PTPRD: variants seen among roughly 807,000 people sequenced by gnomAD.
The protein encoded by PTPRD is receptor-type tyrosine-protein phosphatase delta.
Under a neutral mutation model 214.5 loss-of-function variants are expected in PTPRD, and 34 were observed. The observed-to-expected ratio is 0.16, with a 90% CI of 0.12 to 0.21. The LOEUF is 0.21. Among genes scored for constraint, PTPRD ranks in the 10% least tolerant of loss-of-function variants. PTPRD has a pLI of 1.00. For synonymous variants in PTPRD, 1,128 were observed against 845.7 expected, an observed-to-expected ratio of 1.33 and a Z score of -5.79; for missense variants, 2,545 against 2,398.7, an observed-to-expected ratio of 1.06 and a Z score of -1.27.
intron 11 of PTPRD, among the ~76,000 whole-genome samples, chr9:8,858,595 C>T (rs1050008522): frequency 4.6e-5 from 7 of 152,148 alleles, no homozygotes; most frequent in Non-Finnish European, 1.5e-5. Context: ...GGGGATCCCA[C>T]GGAATTGCTG....
chr9:9,035,129 T>C (rs1590196656), intron 10 of PTPRD, among the ~76,000 whole-genome samples: 2 of 152,158 alleles, frequency 1.3e-5, no homozygotes, highest in East Asian at 3.9e-4. Flanking sequence ...TAGCATAGAG[T>C]CTGGCACATG....
rs564122178 is a variant in PTPRD, at chr9:10,443,628, G to A, written c.-599-102611C>T. Among the ~76,000 whole-genome samples, 6 of 150,366 alleles carry A rather than the reference G, an allele frequency of 4.0e-5. No homozygotes were observed. In the East Asian group the frequency reaches 5.8e-4, roughly 15 times the overall value. The stretch of plus-strand genomic sequence containing the variant: ...TGCCTCATAGATTTTTTTTCTTTGC[G>A]TGGAATGCAGATAGACATTCTCATA... On this transcript the variant is annotated intron_variant, in intron 2 of 45. Coordinates refer to ENST00000381196, the MANE Select transcript of PTPRD (RefSeq NM_002839.4).
At chr9:8,676,687 C>T (rs1344590591) in intron 12 of PTPRD, among the ~76,000 whole-genome samples, 1 of 152,174 alleles carries the variant, frequency 6.6e-6, no homozygotes, top group Non-Finnish European at 1.5e-5. Flanking sequence ...AATTCTCCTG[C>T]CTCAGCCTCC....
chr9:9,272,422 T>C (rs1393529689), intron 9 of PTPRD, among the ~76,000 whole-genome samples: 1 of 151,240 alleles, frequency 6.6e-6, no homozygotes, highest in Non-Finnish European at 1.5e-5. Context: ...AGCAGTACTG[T>C]TGGGTACTGA....
intron 3 of PTPRD, among the ~76,000 whole-genome samples, chr9:10,122,440 G>C (rs1360807252): frequency 6.6e-6 from 1 of 151,932 alleles, no homozygotes; most frequent in African/African-American, 2.4e-5. Context: ...GGTATCAAAG[G>C]GCTACCGTGG....
intron 35 of PTPRD, among the ~76,000 whole-genome samples, chr9:8,430,093 C>G (rs899913733): frequency 1.3e-5 from 2 of 151,988 alleles, no homozygotes; most frequent in African/African-American, 4.8e-5. Flanking sequence ...TATCTCAACC[C>G]ACACCACAAA....
At position 9,845,151 on chromosome 9, in the gene PTPRD, TCTATATATAGA is replaced by T. The variant is rs2059261629; in HGVS notation, c.-367-78311_-367-78301del. Among the ~76,000 whole-genome samples the T allele has an allele frequency of 5.6e-4, 22 of 39,482 alleles. 2 individuals carry two copies. The highest frequency in any genetic ancestry group is 2.3e-3 in the Admixed American group (7 of 3,056). 25.9% of individuals were successfully genotyped at this position (39,482 alleles called of 152,430 possible). ...ATAGAGCAATATATATATATATTGC[TCTATATATAGA>T]GCAATATATATATATATATTGCTCT... is the stretch of plus-strand genomic sequence containing the variant. On this transcript the variant is annotated intron_variant, in intron 5 of 45. Transcript: ENST00000381196.
intron 7 of PTPRD, among the ~76,000 whole-genome samples, chr9:9,591,505 T>C (rs1458666754): frequency 1.3e-5 from 2 of 152,024 alleles, no homozygotes; most frequent in African/African-American, 4.8e-5. Context: ...GCACTGCATC[T>C]GGAATCCTAA....
At chr9:10,228,750 T>G (rs1198442881) in intron 3 of PTPRD, among the ~76,000 whole-genome samples, 1 of 149,390 alleles carries the variant, frequency 6.7e-6, no homozygotes, top group African/African-American at 2.4e-5. Flanking sequence ...ATATAATATA[T>G]AACATCATTT....
In PTPRD at chr9:8,455,649, A is replaced by C. The variant is rs543133869; in HGVS notation, c.3875+4762T>G. On this transcript the variant is annotated intron_variant, in intron 33 of 45. Coordinates refer to ENST00000381196, the MANE Select transcript of PTPRD (RefSeq NM_002839.4). ...ACATTTAAATGGTACAAACACACAC[A>C]TACAAAGTAAATGATGAAAATGATA... Among the ~76,000 whole-genome samples, 5 of 152,354 alleles carry C rather than the reference A, an allele frequency of 3.3e-5. No individual in the cohort carries two copies. In the East Asian group the frequency reaches 9.6e-4, roughly 29 times the overall value.
chr9:10,245,536 T>C (rs531711329), intron 3 of PTPRD, among the ~76,000 whole-genome samples: 1 of 152,276 alleles, frequency 6.6e-6, no homozygotes, highest in African/African-American at 2.4e-5. Context: ...ACATGATAAA[T>C]ATTGGTGCAC....
chr9:9,091,086 G>C lies in PTPRD; in HGVS notation c.-142-72351C>G, dbSNP rs1224675494. ...AAGCGAGCGTCTTCGATGCCTATGTGCTTCCCAAGCTGTATGTGAAGCTAC... is the reference window on the plus strand; with the variant it reads ...AAGCGAGCGTCTTCGATGCCTATGTCCTTCCCAAGCTGTATGTGAAGCTAC... On this transcript the variant is annotated intron_variant, in intron 10 of 45. Coordinates refer to ENST00000381196, the MANE Select transcript of PTPRD (RefSeq NM_002839.4). 8 of 1,428,222 alleles carry C rather than the reference G, an allele frequency of 5.6e-6. 1 individual carries two copies. In the African/African-American group the frequency reaches 1.1e-4, roughly 20 times the overall value. The allele number at this position is 1,428,222 out of a possible 1,614,324, so 88.5% of individuals were successfully genotyped here. A position where few individuals can be genotyped will look rare whatever the true frequency, so the allele number is the denominator to read the frequency against.
chr9:9,323,999 T>C (rs931584367), intron 9 of PTPRD, among the ~76,000 whole-genome samples: 6 of 152,272 alleles, frequency 3.9e-5, no homozygotes, highest in African/African-American at 1.4e-4. Context: ...TTCATCCATG[T>C]CCCTACAAAG....
At chr9:9,800,604 T>C (rs989704189) in intron 5 of PTPRD, 1 of 152,206 alleles carries the variant, frequency 6.6e-6, no homozygotes, top group Non-Finnish European at 1.5e-5. Flanking sequence ...GAAGGATCAT[T>C]GTCTATAGAC....
chr9:9,611,225 G>A (rs984485944), intron 7 of PTPRD, among the ~76,000 whole-genome samples: 1 of 152,110 alleles, frequency 6.6e-6, no homozygotes, highest in Non-Finnish European at 1.5e-5. Context: ...AAAGCCAGTA[G>A]CATCTGATTA....
chr9:9,085,844 G>T (rs1024225329), intron 10 of PTPRD, among the ~76,000 whole-genome samples: 1 of 152,000 alleles, frequency 6.6e-6, no homozygotes, highest in Non-Finnish European at 1.5e-5. Flanking sequence ...TAAGCCTCTC[G>T]AATCTAGAGA....
At chr9:9,696,108 A>G (rs1363155062) in intron 7 of PTPRD, among the ~76,000 whole-genome samples, 1 of 152,066 alleles carries the variant, frequency 6.6e-6, no homozygotes. Flanking sequence ...TTTCTTCAAG[A>G]TTCATCCTTT....
rs2154134293 is a variant in PTPRD at position 10,033,784 on chromosome 9, G to T, written c.-538C>A. The T allele has an allele frequency of 6.6e-6, 1 of 152,164 alleles. No homozygotes were observed. Among genetic ancestry groups the T allele is most frequent in the African/African-American group, 2.4e-5 (1 of 41,544 alleles). 9.4% of individuals were successfully genotyped at this position (152,164 alleles called of 1,614,324 possible). ...GGATGAAAAGTATCAGACTCCTCAA[G>T]ATTTCCCTGAAAGGAAAAGTGAGAG... On this transcript the variant is annotated 5_prime_UTR_variant, in exon 4 of 46. Coordinates refer to ENST00000381196, the MANE Select transcript of PTPRD (RefSeq NM_002839.4).
chr9:8,815,221 T>C (rs2096896869), intron 11 of PTPRD, among the ~76,000 whole-genome samples: 1 of 152,130 alleles, frequency 6.6e-6, no homozygotes, highest in Non-Finnish European at 1.5e-5. Flanking sequence ...ACATCTGATA[T>C]AAGCTGTTTC....
Sources: allele counts gnomAD v4.1 joint callset (sites outside exome capture counted in the v4.1 genomes callset), GRCh38; gene constraint gnomAD v4.1.1; transcripts MANE v1.5; gene names NCBI Gene and HGNC (gene_info 2026-07-23, HGNC 2026-07-21).